The following SUPT16H variants were observed in gnomAD, a reference collection of about 807,000 sequenced individuals.
SUPT16H encodes FACT complex subunit SPT16.
Under a neutral mutation model 136.2 loss-of-function variants are expected in SUPT16H, and 24 were observed. The ratio of observed to expected loss-of-function variants is 0.18; its 90% CI spans 0.13 to 0.25. SUPT16H has a LOEUF of 0.25. Among genes scored for constraint, SUPT16H ranks in the 10% least tolerant of loss-of-function variants. The pLI is 1.00. For missense variants in SUPT16H, 623 were observed against 1,270.2 expected, an observed-to-expected ratio of 0.49 and a Z score of 7.74; for synonymous variants, 415 against 428.2, an observed-to-expected ratio of 0.97 and a Z score of 0.38.
At chr14:21,373,008 A>G (rs1293329113) in intron 2 of SUPT16H, among the ~76,000 whole-genome samples, 1 of 152,120 alleles carries the variant, frequency 6.6e-6, no homozygotes, top group Non-Finnish European at 1.5e-5. Context: ...CAATGGTGCA[A>G]TCTTGGCTTA....
chr14:21,377,884 A>G lies in SUPT16H; in HGVS notation c.67-4454T>C, dbSNP rs60628922. Among the ~76,000 whole-genome samples, 725 of 152,306 alleles carry G rather than the reference A, an allele frequency of 4.8e-3. 7 individuals carry two copies. The highest frequency in any genetic ancestry group is 0.017 in the African/African-American group (691 of 41,572). ...AGTGATCTGCCCACCTCGGCCTCCC[A>G]AAATGCTGATATTACAGGCGTGAAT... is the stretch of plus-strand genomic sequence containing the variant. On this transcript the variant is annotated intron_variant, in intron 1 of 25. Coordinates refer to ENST00000216297, the MANE Select transcript of SUPT16H (RefSeq NM_007192.4).
intron 3 of SUPT16H, among the ~76,000 whole-genome samples, chr14:21,370,724 C>T (rs1300956733): frequency 6.6e-6 from 1 of 152,102 alleles, no homozygotes; most frequent in Non-Finnish European, 1.5e-5. Flanking sequence ...AGCAATCCTC[C>T]TGCCTCGGCC....
At chr14:21,362,403 T>A in intron 14 of SUPT16H, 79 bp from the exon 15 acceptor site, 1 of 1,444,784 alleles carries the variant, frequency 6.9e-7, no homozygotes, top group Non-Finnish European at 9.4e-7. Context: ...AAAATTAAGT[T>A]AGGAGTTACA....
In SUPT16H at chr14:21,362,092, T is replaced by C. The variant is rs931160075; in HGVS notation, c.1793+105A>G. 8 of 1,391,076 alleles carry C rather than the reference T, an allele frequency of 5.8e-6. No homozygotes were observed. The African/African-American group carries it at 8.7e-5, about 15-fold the overall frequency. 86.2% of individuals were successfully genotyped at this position (1,391,076 alleles called of 1,614,324 possible). On this transcript the variant is annotated intron_variant, in intron 15 of 25. Coordinates refer to ENST00000216297, the MANE Select transcript of SUPT16H (RefSeq NM_007192.4). Reference sequence around the variant, plus strand: ...GAAACAAGTACCAATGAGGAAGGCTTTGACATTTACTAGGTAGGGAAAATG... The same window carrying C: ...GAAACAAGTACCAATGAGGAAGGCTCTGACATTTACTAGGTAGGGAAAATG...
chr14:21,357,815 A>T, intron 21 of SUPT16H, 112 bp downstream of exon 21: 1 of 1,073,430 alleles, frequency 9.3e-7, no homozygotes, highest in Non-Finnish European at 1.4e-6. Flanking sequence ...AATGAGTTTT[A>T]AGTCTAAGTA....
At chr14:21,360,748 C>A (rs569127258) in intron 17 of SUPT16H, 98 bp downstream of exon 17, 1 of 1,514,192 alleles carries the variant, frequency 6.6e-7, no homozygotes, top group African/African-American at 1.4e-5. Context: ...CTGAGCTAAC[C>A]GGCGGATGGC....
chr14:21,382,955 T>C (rs772872456), intron 1 of SUPT16H: 1 of 152,210 alleles, frequency 6.6e-6, no homozygotes, highest in Non-Finnish European at 1.5e-5. Context: ...AAATGAGAGC[T>C]GATCATTTTT....
At position 21,358,439 on chromosome 14, in the gene SUPT16H, A is replaced by G; in HGVS notation, c.2302-12T>C. The G allele has an allele frequency of 6.3e-7, 1 of 1,576,454 alleles. No homozygotes were observed. On this transcript the variant is annotated splice_polypyrimidine_tract_variant and intron_variant, in intron 19 of 25. Coordinates refer to ENST00000216297, the MANE Select transcript of SUPT16H (RefSeq NM_007192.4). ...ATTTCTCGTTCCATCTGTAGAAGAA[A>G]AAAATATCAAATACAGCCATCACAT...
chr14:21,358,912 C>T (rs1886490732), intron 19 of SUPT16H, among the ~76,000 whole-genome samples: 2 of 148,198 alleles, frequency 1.3e-5, no homozygotes, highest in African/African-American at 5.0e-5. Context: ...TCATGCCATT[C>T]TCCCGCCTCA....
intron 1 of SUPT16H, among the ~76,000 whole-genome samples, chr14:21,375,999 C>T (rs1267747450): frequency 6.6e-6 from 1 of 152,228 alleles, no homozygotes; most frequent in African/African-American, 2.4e-5. Flanking sequence ...ATAGCTTTAG[C>T]TGTCACAGTT....
chr14:21,379,729 T>C (rs745517648), intron 1 of SUPT16H, among the ~76,000 whole-genome samples: 2 of 151,548 alleles, frequency 1.3e-5, no homozygotes, highest in Non-Finnish European at 2.9e-5. Context: ...ATAATAATAA[T>C]AAAAATTGGT....
chr14:21,357,096 CTT>C, intron 22 of SUPT16H, 99 bp downstream of exon 22: 2 of 1,236,772 alleles, frequency 1.6e-6, no homozygotes, highest in Non-Finnish European at 2.1e-6. Flanking sequence ...GGCAGTCTCA[CTT>C]TAAGTATATC....
chr14:21,380,661 G>A (rs1428234938), intron 1 of SUPT16H, among the ~76,000 whole-genome samples: 1 of 152,060 alleles, frequency 6.6e-6, no homozygotes, highest in Non-Finnish European at 1.5e-5. Context: ...AAGAATGTGA[G>A]TATTCCTTCT....
chr14:21,369,436 A>G, intron 5 of SUPT16H, 81 bp from the exon 6 acceptor site: 2 of 1,546,434 alleles, frequency 1.3e-6, no homozygotes, highest in South Asian at 2.3e-5. Flanking sequence ...TTTGAAGACA[A>G]AATGTATCCT....
intron 1 of SUPT16H, 24 bp downstream of exon 1, chr14:21,383,838 G>A: frequency 6.2e-7 from 1 of 1,613,964 alleles, no homozygotes; most frequent in East Asian, 2.2e-5. Context: ...GGCTCCCTAG[G>A]AAAAATTACA....
At position 21,352,698 on chromosome 14, in the gene SUPT16H, G is replaced by A; in HGVS notation, c.3119C>T (p.Ala1040Val). 1.2e-6 allele frequency: 2 copies of A among 1,614,148 alleles called. No homozygotes were observed. The highest frequency in any genetic ancestry group is 1.7e-6 in the Non-Finnish European group (2 of 1,180,008). ...GSNRGSRHSS[A>V]PPKKKRK Reference sequence around the variant, plus strand: ...TTACTTCCTCTTTTTCTTGGGGGGTGCAGAGCTGTGTCTGGAACCACGGTT... The same window carrying A: ...TTACTTCCTCTTTTTCTTGGGGGGTACAGAGCTGTGTCTGGAACCACGGTT... The change falls in exon 26 of 26, where the codon GCA becomes GTA. Residue 1040 changes from alanine to valine, a missense_variant. Physicochemically the swap from Ala to Val is moderately conservative, Grantham distance 64. Transcript: ENST00000216297.
At chr14:21,361,496 T>C (rs894581795) in intron 15 of SUPT16H, among the ~76,000 whole-genome samples, 3 of 151,944 alleles carry the variant, frequency 2.0e-5, no homozygotes, top group Non-Finnish European at 4.4e-5. Context: ...TTTGTATTTT[T>C]AGCAGATACA....
chr14:21,369,062 C>A (rs1450876685), intron 6 of SUPT16H, 142 bp downstream of exon 6: 2 of 886,762 alleles, frequency 2.3e-6, no homozygotes, highest in South Asian at 2.2e-5. Flanking sequence ...GTGATGGACA[C>A]CCAAGATAAT....
Position 21,360,401 on chromosome 14 carries a change from G to A in SUPT16H, c.2175+14C>T, listed in dbSNP as rs780871875. The stretch of plus-strand genomic sequence containing the variant: ...TGCCCAAGAGCTGACAGCTAGTTAA[G>A]TAGAAAGGTATACCTTGAGGTGAAA... On this transcript the variant is annotated intron_variant, in intron 18 of 25. Transcript: ENST00000216297. The A allele has an allele frequency of 1.9e-6, 3 of 1,575,824 alleles. No homozygotes were observed. The highest frequency in any genetic ancestry group is 1.7e-5 in the Admixed American group (1 of 58,616).
Sources: allele counts gnomAD v4.1 joint callset (sites outside exome capture counted in the v4.1 genomes callset), GRCh38; gene constraint gnomAD v4.1.1; transcripts MANE v1.5; gene names NCBI Gene and HGNC (gene_info 2026-07-23, HGNC 2026-07-21).